ATP5F1C: variants seen among roughly 807,000 people sequenced by gnomAD.
ATP5F1C encodes the protein ATP synthase F1 subunit gamma.
ATP5F1C carries 22 observed loss-of-function variants against 37.4 expected under a neutral mutation model. That is an observed-to-expected ratio of 0.59 (90% CI 0.42 to 0.84). The LOEUF (loss-of-function observed/expected upper bound fraction) is 0.84, where lower values mean the gene tolerates loss of function less well. Ranked by LOEUF, ATP5F1C falls within the 40% of genes least tolerant of loss-of-function variation. ATP5F1C has a pLI of 0.00. For synonymous variants in ATP5F1C, 121 were observed against 128.0 expected (o/e 0.95, Z 0.37); for missense variants, 286 against 362.4 (o/e 0.79, Z 1.71).
At chr10:7,797,278 C>G in intron 3 of ATP5F1C, 100 bp downstream of exon 3, 1 of 1,449,822 alleles carries the variant, frequency 6.9e-7, no homozygotes, top group Admixed American at 2.1e-5. Flanking sequence ...TCAAGCCTAT[C>G]TGAGCACTTG....
intron 8 of ATP5F1C, among the ~76,000 whole-genome samples, chr10:7,803,433 C>T (rs1346299453): frequency 6.6e-6 from 1 of 152,090 alleles, no homozygotes; most frequent in African/African-American, 2.4e-5. Flanking sequence ...CACATCCTCT[C>T]GTATACTTTT....
At chr10:7,792,773 T>C (rs1212016425) in intron 1 of ATP5F1C, among the ~76,000 whole-genome samples, 2 of 152,252 alleles carry the variant, frequency 1.3e-5, no homozygotes, top group Admixed American at 1.3e-4. Context: ...ACATCTGGGT[T>C]GCTTCCAACT....
At chr10:7,797,717 GTT>G (rs1836267108) in intron 3 of ATP5F1C, among the ~76,000 whole-genome samples, 3 of 152,114 alleles carry the variant, frequency 2.0e-5, no homozygotes, top group Admixed American at 6.5e-5. Context: ...TCATGATGGT[GTT>G]TTGAGAATCC....
Position 7,798,958 on chromosome 10 carries a change from T to TA in ATP5F1C, c.224-25dup, listed in dbSNP as rs565377667. The TA allele has an allele frequency of 8.6e-5, 137 of 1,587,016 alleles. No homozygotes were observed. In the South Asian group the frequency reaches 1.3e-3, roughly 15 times the overall value. On this transcript the variant is annotated intron_variant, in intron 3 of 9. Transcript: ENST00000356708. The stretch of plus-strand genomic sequence containing the variant: ...TTTATTGTATTTAGTGTATTGCATA[T>TA]AAAAAAATTACTGCTTTTGTTTGTT...
At chr10:7,798,912 A>T in intron 3 of ATP5F1C, 78 bp from the exon 4 acceptor site, 1 of 1,380,198 alleles carries the variant, frequency 7.2e-7, no homozygotes, top group Non-Finnish European at 1.0e-6. Flanking sequence ...GGAAATAACC[A>T]ACTGCTTTGT....
chr10:7,805,948 T>C (rs1564335514), intron 8 of ATP5F1C, among the ~76,000 whole-genome samples: 1 of 151,866 alleles, frequency 6.6e-6, no homozygotes, highest in African/African-American at 2.4e-5. Flanking sequence ...TAGCCAGGCC[T>C]GGTGGCATGT....
At chr10:7,798,826 C>T (rs759415230) in intron 3 of ATP5F1C, among the ~76,000 whole-genome samples, 164 bp from the exon 4 acceptor site, 1 of 152,220 alleles carries the variant, frequency 6.6e-6, no homozygotes, top group African/African-American at 2.4e-5. Flanking sequence ...CCACTGTGCC[C>T]GGCCTCAGCT....
rs1212024720 is a variant in ATP5F1C at position 7,802,846 on chromosome 10, T to C, written c.882T>C (p.Ala294=). 4 of 1,613,442 alleles carry C rather than the reference T, an allele frequency of 2.5e-6. No homozygotes were observed. The highest frequency in any genetic ancestry group is 3.4e-6 in the Non-Finnish European group (4 of 1,179,704). ...TKELIEIISG[A]AALD ...AGTTGATTGAAATTATCTCTGGTGCTGCAGCTCTGTGAGTAATTGTAGATT... is the reference window on the plus strand; with the variant it reads ...AGTTGATTGAAATTATCTCTGGTGCCGCAGCTCTGTGAGTAATTGTAGATT... Residue 294 remains alanine, a synonymous_variant, in exon 8 of 10, where the codon GCT becomes GCC. Coordinates refer to ENST00000356708, the MANE Select transcript of ATP5F1C (RefSeq NM_001001973.3).
At chr10:7,796,193 A>T (rs1836234163) in intron 2 of ATP5F1C, 38 bp downstream of exon 2, 1 of 1,541,830 alleles carries the variant, frequency 6.5e-7, no homozygotes, top group Non-Finnish European at 8.7e-7. Flanking sequence ...GAATTGAGAA[A>T]AACTAAATTT....
In ATP5F1C at chr10:7,807,528, G is replaced by C. The variant is rs77414607; in HGVS notation, c.*31-131G>C. ...CCAGACCAAAATTTTAGAATCACTGGTATAGGGTAACACTTTATTGTGTAA... is the reference window on the plus strand; with the variant it reads ...CCAGACCAAAATTTTAGAATCACTGCTATAGGGTAACACTTTATTGTGTAA... On this transcript the variant is annotated intron_variant, in intron 9 of 9. Transcript: ENST00000356708. 1.8e-3 allele frequency: 1,936 copies of C among 1,087,198 alleles called. 28 individuals are homozygous for C. The African/African-American group carries it at 0.028, about 16-fold the overall frequency. 67.3% of individuals were successfully genotyped at this position (1,087,198 alleles called of 1,614,324 possible).
Position 7,807,744 on chromosome 10 carries a change from T to C in ATP5F1C, c.*116T>C. 1 of 1,455,594 alleles carries C rather than the reference T, an allele frequency of 6.9e-7. No homozygotes were observed. Among genetic ancestry groups the C allele is most frequent in the Non-Finnish European group, 9.4e-7 (1 of 1,058,476 alleles). 90.2% of individuals were successfully genotyped at this position (1,455,594 alleles called of 1,614,324 possible). A position where few individuals can be genotyped will look rare whatever the true frequency, so the allele number is the denominator to read the frequency against. ...AGAAACTGTTCCTCCATTATTTGAA[T>C]TACTGAAGACAGCAAGATATTTGTA... On this transcript the variant is annotated 3_prime_UTR_variant, in exon 10 of 10. Transcript: ENST00000356708.
chr10:7,798,974 T>C lies in ATP5F1C; in HGVS notation c.224-16T>C. 6.2e-7 allele frequency: 1 copy of C among 1,607,674 alleles called. No individual in the cohort carries two copies. The highest frequency in any genetic ancestry group is 8.5e-7 in the Non-Finnish European group (1 of 1,177,642). On this transcript the variant is annotated splice_polypyrimidine_tract_variant and intron_variant, in intron 3 of 9. Coordinates refer to ENST00000356708, the MANE Select transcript of ATP5F1C (RefSeq NM_001001973.3). Reference sequence around the variant, plus strand: ...TATTGCATATAAAAAAATTACTGCTTTTGTTTGTTTTTAAGCTCTGTATGA... The same window carrying C: ...TATTGCATATAAAAAAATTACTGCTCTTGTTTGTTTTTAAGCTCTGTATGA...
At chr10:7,796,746 G>A (rs184331145) in intron 2 of ATP5F1C, 18 of 178,604 alleles carry the variant, frequency 1.0e-4, no homozygotes, top group Non-Finnish European at 1.6e-4. Context: ...CACCACGCTC[G>A]GCTAATTTTT....
intron 1 of ATP5F1C, among the ~76,000 whole-genome samples, chr10:7,792,725 A>C (rs1227911525): frequency 1.3e-5 from 2 of 152,152 alleles, no homozygotes; most frequent in Non-Finnish European, 2.9e-5. Flanking sequence ...CATTGTATGG[A>C]TGTATCAGAG....
intron 8 of ATP5F1C, among the ~76,000 whole-genome samples, 158 bp from the exon 9 acceptor site, chr10:7,806,816 A>G (rs1836491542): frequency 6.6e-6 from 1 of 152,202 alleles, no homozygotes; most frequent in African/African-American, 2.4e-5. Context: ...GTCTGTTTCA[A>G]AGGAATCTTG....
At chr10:7,800,151 T>C in intron 6 of ATP5F1C, 60 bp downstream of exon 6, 3 of 1,482,364 alleles carry the variant, frequency 2.0e-6, no homozygotes, top group Non-Finnish European at 2.8e-6. Flanking sequence ...ATTTGTACAC[T>C]AAGGCAGACA....
chr10:7,790,228 T>C (rs1227800367), intron 1 of ATP5F1C, among the ~76,000 whole-genome samples: 2 of 152,238 alleles, frequency 1.3e-5, no homozygotes, highest in African/African-American at 4.8e-5. Flanking sequence ...GCTTCTGTCT[T>C]GATTACTGGA....
rs117892960 is a variant in ATP5F1C at position 7,788,572 on chromosome 10, C to G, written c.56+309C>G. ...TCTGGGCGGTCTTGAGTTCCCTCAGCTAATCAGCACTTCCTGAGCTTCCAC... is the reference window on the plus strand; with the variant it reads ...TCTGGGCGGTCTTGAGTTCCCTCAGGTAATCAGCACTTCCTGAGCTTCCAC... On this transcript the variant is annotated intron_variant, in intron 1 of 9. Coordinates refer to ENST00000356708, the MANE Select transcript of ATP5F1C (RefSeq NM_001001973.3). 7.1e-3 allele frequency among the ~76,000 whole-genome samples: 1,074 copies of G among 152,338 alleles called. 4 individuals are homozygous for G. The highest frequency in any genetic ancestry group is 0.011 in the Non-Finnish European group (716 of 68,028).
At chr10:7,789,040 C>G (rs2131049951) in intron 1 of ATP5F1C, among the ~76,000 whole-genome samples, 1 of 151,982 alleles carries the variant, frequency 6.6e-6, no homozygotes, top group South Asian at 2.1e-4. Flanking sequence ...GTGCCACGAG[C>G]CTCGAGAATT....
Sources: gnomAD v4.1 joint callset for allele counts (sites outside exome capture counted in the v4.1 genomes callset) on GRCh38, gnomAD v4.1.1 for gene constraint, MANE v1.5 for transcripts, NCBI Gene and HGNC (gene_info 2026-07-23, HGNC 2026-07-21) for gene names.